The following CDC14B variants were observed in gnomAD, a reference collection of about 807,000 sequenced individuals.
CDC14B encodes cell division cycle 14B.
A neutral mutation model predicts 64.2 loss-of-function variants in CDC14B; 22 were observed. The ratio of observed to expected loss-of-function variants is 0.34; its 90% CI spans 0.24 to 0.49. CDC14B has a LOEUF of 0.49. Ranked by LOEUF, CDC14B falls within the 20% of genes least tolerant of loss-of-function variation. The pLI is 0.99. For synonymous variants in CDC14B, 191 were observed against 215.8 expected (o/e 0.89, Z 1.01); for missense variants, 498 against 629.9 (o/e 0.79, Z 2.24).
chr9:96,536,598 GA>G (rs1169571899), intron 7 of CDC14B, among the ~76,000 whole-genome samples: 2 of 152,180 alleles, frequency 1.3e-5, no homozygotes. Context: ...GTACATCACA[GA>G]AACAACTGAG....
chr9:96,532,874 A>C (rs886704456), intron 9 of CDC14B, among the ~76,000 whole-genome samples: 2 of 152,024 alleles, frequency 1.3e-5, no homozygotes, highest in African/African-American at 4.8e-5. Context: ...CTTTTCCCAC[A>C]TATTCTTTTA....
At chr9:96,519,748 A>AG (rs1290056651) in intron 12 of CDC14B, among the ~76,000 whole-genome samples, 12 of 148,568 alleles carry the variant, frequency 8.1e-5, no homozygotes, top group Admixed American at 5.3e-4. Flanking sequence ...AAAAAAAAAA[A>AG]AAAAAGAGAA....
chr9:96,562,578 C>A (rs977421237), intron 4 of CDC14B, 115 bp downstream of exon 4: 3 of 768,954 alleles, frequency 3.9e-6, no homozygotes, highest in Non-Finnish European at 6.8e-6. Flanking sequence ...AAGCAAAACA[C>A]GTTCTTTCTG....
At chr9:96,587,824 A>C (rs1023086745) in intron 1 of CDC14B, among the ~76,000 whole-genome samples, 1 of 152,172 alleles carries the variant, frequency 6.6e-6, no homozygotes, top group Non-Finnish European at 1.5e-5. Flanking sequence ...AGGAGCACAT[A>C]TATCAACAAG....
intron 1 of CDC14B, among the ~76,000 whole-genome samples, chr9:96,581,888 T>C (rs1210181685): frequency 1.3e-5 from 2 of 152,192 alleles, no homozygotes; most frequent in East Asian, 1.9e-4. Flanking sequence ...TGGTAGCTAG[T>C]GCTCTGAAAT....
intron 1 of CDC14B, among the ~76,000 whole-genome samples, chr9:96,581,559 C>T (rs1269647418): frequency 7.1e-6 from 1 of 140,588 alleles, no homozygotes; most frequent in African/African-American, 3.2e-5. Context: ...AATGCCCCTC[C>T]CAAAGAGTTA....
intron 4 of CDC14B, 86 bp downstream of exon 4, chr9:96,562,607 A>G: frequency 9.1e-6 from 8 of 883,322 alleles, no homozygotes; most frequent in Non-Finnish European, 1.3e-5. Context: ...TCAAGACATT[A>G]TCTTGATTTC....
rs541309645 is a variant in CDC14B, at chr9:96,618,934, C to T, written c.160+285G>A. Among the ~76,000 whole-genome samples, 32 of 152,316 alleles carry T rather than the reference C, an allele frequency of 2.1e-4. No individual in the cohort carries two copies. The South Asian group carries it at 5.6e-3, about 27-fold the overall frequency. On this transcript the variant is annotated intron_variant, in intron 1 of 13. Coordinates refer to ENST00000375241, the MANE Select transcript of CDC14B (RefSeq NM_033331.4). ...GCAGGTTCGAGGCGCCGGGCTGACG[C>T]CCGCAACTTAGAAAGGTGACCCTCG...
In CDC14B at chr9:96,619,399, A is replaced by C. The variant is rs1266839705; in HGVS notation, c.-21T>G. The C allele has an allele frequency of 8.5e-7, 1 of 1,169,768 alleles. No homozygotes were observed. The allele number at this position is 1,169,768 out of a possible 1,614,324, so 72.5% of individuals were successfully genotyped here. On this transcript the variant is annotated 5_prime_UTR_variant, in exon 1 of 14. An upstream open reading frame in the 5' UTR loses its in-frame stop. Coordinates refer to ENST00000375241, the MANE Select transcript of CDC14B (RefSeq NM_033331.4). ...TTCATGGAGGCGGCCGCGGCCCGTC[A>C]GGGGGCCACGACCATGGCCCCGCGC...
exon 14 of CDC14B, chr9:96,493,153 T>G (rs371867378): frequency 6.6e-6 from 1 of 152,344 alleles, no homozygotes; most frequent in African/African-American, 2.4e-5. Flanking sequence ...CAGCTGAGCC[T>G]GCGTCTCCGA....
chr9:96,509,538 C>T, intron 13 of CDC14B, 135 bp downstream of exon 13: 2 of 713,098 alleles, frequency 2.8e-6, no homozygotes, highest in South Asian at 3.2e-5. Context: ...ACAAGGAATA[C>T]ACATTTGATG....
intron 9 of CDC14B, among the ~76,000 whole-genome samples, chr9:96,528,121 T>C (rs1025058155): frequency 6.6e-6 from 1 of 152,240 alleles, no homozygotes; most frequent in Non-Finnish European, 1.5e-5. Flanking sequence ...TCTTCATTTC[T>C]AAAGATGCAT....
rs182259800 is a variant in CDC14B at position 96,605,814 on chromosome 9, T to C, written c.160+13405A>G. On this transcript the variant is annotated intron_variant, in intron 1 of 13. Transcript: ENST00000375241. ...AGGTGGAGGTTGCAGCGAGCCAAGA[T>C]TAAGCCACTGCACTCCAGCCTGTGC... Among the ~76,000 whole-genome samples the C allele has an allele frequency of 2.8e-3, 431 of 151,656 alleles. 3 individuals are homozygous for C. The highest frequency in any genetic ancestry group is 9.9e-3 in the African/African-American group (410 of 41,334).
intron 12 of CDC14B, among the ~76,000 whole-genome samples, chr9:96,510,905 G>C (rs1021224936): frequency 6.6e-6 from 1 of 152,144 alleles, no homozygotes; most frequent in African/African-American, 2.4e-5. Context: ...ACCACACCAG[G>C]CCTATATGCA....
intron 3 of CDC14B, among the ~76,000 whole-genome samples, chr9:96,563,923 C>T (rs1843579438): frequency 1.3e-5 from 2 of 151,808 alleles, no homozygotes; most frequent in African/African-American, 4.8e-5. Flanking sequence ...TTAAGAAAGG[C>T]AAAAAAGAAG....
intron 6 of CDC14B, among the ~76,000 whole-genome samples, chr9:96,540,170 A>T (rs1352183958): frequency 6.6e-6 from 1 of 152,260 alleles, no homozygotes; most frequent in African/African-American, 2.4e-5. Flanking sequence ...GTAGTTTATA[A>T]GGAATTCCTA....
chr9:96,601,745 G>A (rs1448697030), intron 1 of CDC14B, among the ~76,000 whole-genome samples: 2 of 149,138 alleles, frequency 1.3e-5, no homozygotes, highest in African/African-American at 2.5e-5. Context: ...AGTGAGCTGA[G>A]GGCGCACCAC....
chr9:96,527,222 A>C (rs1050666243), intron 9 of CDC14B, among the ~76,000 whole-genome samples: 1 of 151,710 alleles, frequency 6.6e-6, no homozygotes, highest in African/African-American at 2.4e-5. Flanking sequence ...ACACAGTGAA[A>C]CCCCGTCTCT....
intron 5 of CDC14B, among the ~76,000 whole-genome samples, chr9:96,548,143 A>T (rs1254633801): frequency 6.6e-6 from 1 of 152,120 alleles, no homozygotes; most frequent in Non-Finnish European, 1.5e-5. Flanking sequence ...CTGTTTAAAG[A>T]CTAGGAGACC....
Sources: gnomAD v4.1 joint callset for allele counts (sites outside exome capture counted in the v4.1 genomes callset) on GRCh38, gnomAD v4.1.1 for gene constraint, MANE v1.5 for transcripts, NCBI Gene and HGNC (gene_info 2026-07-23, HGNC 2026-07-21) for gene names.